Variants in NRXN3 observed in about 807,000 individuals in gnomAD.
NRXN3 encodes neurexin III.
A neutral mutation model predicts 137.6 loss-of-function variants in NRXN3; 32 were observed. The observed-to-expected ratio is 0.23, with a 90% CI of 0.18 to 0.31. NRXN3 has a LOEUF of 0.31. NRXN3 is among the 10% of genes least tolerant of loss of function. NRXN3 has a pLI of 1.00. For missense variants in NRXN3, 1,574 were observed against 2,062.5 expected (o/e 0.76, Z 4.59); for synonymous variants, 798 against 784.5 (o/e 1.02, Z -0.29).
rs138531611 is a variant in NRXN3, at chr14:78,645,797, G to A, written c.1059+376G>A. 3.3e-3 allele frequency among the ~76,000 whole-genome samples: 508 copies of A among 152,058 alleles called. 4 individuals are homozygous for A. Among genetic ancestry groups the A allele is most frequent in the Non-Finnish European group, 5.5e-3 (376 of 67,976 alleles). The stretch of plus-strand genomic sequence containing the variant: ...GACTGCATTTTGTTTCTGCAGCTTC[G>A]TAGATTTTCCTCATTCTTTGAATAT... On this transcript the variant is annotated intron_variant, in intron 5 of 20. Transcript: ENST00000335750.
intron 4 of NRXN3, among the ~76,000 whole-genome samples, chr14:78,541,448 A>C (rs981322696): frequency 4.6e-5 from 7 of 152,226 alleles, no homozygotes; most frequent in African/African-American, 1.4e-4. Flanking sequence ...TTCTCGTGCC[A>C]TGATTTTCAG....
At chr14:79,270,718 T>C (rs2079173655) in intron 15 of NRXN3, among the ~76,000 whole-genome samples, 1 of 152,198 alleles carries the variant, frequency 6.6e-6, no homozygotes, top group Non-Finnish European at 1.5e-5. Context: ...CCTGTCCAGA[T>C]TGGAAATAGT....
chr14:79,034,349 TACACAC>T (rs56226324), intron 15 of NRXN3, among the ~76,000 whole-genome samples: 121 of 144,522 alleles, frequency 8.4e-4, no homozygotes, highest in Non-Finnish European at 7.8e-4. Flanking sequence ...TCTTATTTCT[TACACAC>T]ACACACACAC....
At chr14:78,394,154 G>T (rs1447949878) in intron 4 of NRXN3, among the ~76,000 whole-genome samples, 2 of 151,910 alleles carry the variant, frequency 1.3e-5, no homozygotes, top group Non-Finnish European at 2.9e-5. Flanking sequence ...AGTGTGAGCA[G>T]ACATTCTTAC....
At chr14:79,120,143 C>T (rs2055155812) in intron 15 of NRXN3, among the ~76,000 whole-genome samples, 1 of 152,044 alleles carries the variant, frequency 6.6e-6, no homozygotes, top group African/African-American at 2.4e-5. Flanking sequence ...CCAGCGAGAT[C>T]TCTTTTAAAT....
chr14:79,253,731 A>G lies in NRXN3; in HGVS notation c.3263-213490A>G, dbSNP rs138261390. On this transcript the variant is annotated intron_variant, in intron 15 of 20. Coordinates refer to ENST00000335750, the MANE Select transcript of NRXN3 (RefSeq NM_001330195.2). ...GGAGCTGCCAAACACTTTTAAAGCC[A>G]TCAGCTCTTGTGATGAACTCACTCA... Among the ~76,000 whole-genome samples the G allele has an allele frequency of 7.7e-4, 117 of 152,326 alleles. No homozygotes were observed. The South Asian group carries it at 0.013, about 17-fold the overall frequency.
chr14:78,530,504 T>C (rs771058332), intron 4 of NRXN3, among the ~76,000 whole-genome samples: 1 of 152,194 alleles, frequency 6.6e-6, no homozygotes, highest in Non-Finnish European at 1.5e-5. Context: ...GCCCTGGAAA[T>C]TGATATCTTC....
At chr14:79,169,953 A>C (rs1457876834) in intron 15 of NRXN3, among the ~76,000 whole-genome samples, 1 of 152,132 alleles carries the variant, frequency 6.6e-6, no homozygotes, top group Non-Finnish European at 1.5e-5. Context: ...GAATTGGCTT[A>C]ACAACAAGTC....
chr14:79,414,836 G>A (rs1316288039), intron 15 of NRXN3, among the ~76,000 whole-genome samples: 1 of 151,936 alleles, frequency 6.6e-6, no homozygotes, highest in South Asian at 2.1e-4. Flanking sequence ...ACCTAAGTTT[G>A]TACTATTTGA....
At chr14:78,801,435 G>A (rs1273257631) in intron 8 of NRXN3, among the ~76,000 whole-genome samples, 4 of 152,196 alleles carry the variant, frequency 2.6e-5, no homozygotes, top group Non-Finnish European at 5.9e-5. Context: ...TGATGGAAAG[G>A]GAAGCTGGCA....
At chr14:79,249,230 T>C (rs375674463) in intron 15 of NRXN3, among the ~76,000 whole-genome samples, 2 of 151,984 alleles carry the variant, frequency 1.3e-5, no homozygotes, top group Non-Finnish European at 2.9e-5. Context: ...AGAGAAAAAA[T>C]ACATTATCTC....
At chr14:79,659,643 A>T (rs575117391) in intron 16 of NRXN3, among the ~76,000 whole-genome samples, 1 of 152,264 alleles carries the variant, frequency 6.6e-6, no homozygotes, top group South Asian at 2.1e-4. Flanking sequence ...AATTATCCAC[A>T]GTGAATGCCA....
At chr14:79,117,236 C>T (rs1342464281) in intron 15 of NRXN3, among the ~76,000 whole-genome samples, 1 of 152,154 alleles carries the variant, frequency 6.6e-6, no homozygotes, top group African/African-American at 2.4e-5. Flanking sequence ...TCTTCTTCCA[C>T]TATTTCACAC....
At chr14:78,654,197 TCAGTAAA>T (rs1431476050) in intron 6 of NRXN3, among the ~76,000 whole-genome samples, 1 of 152,204 alleles carries the variant, frequency 6.6e-6, no homozygotes, top group South Asian at 2.1e-4. Flanking sequence ...TTTTGATAAA[TCAGTAAA>T]CAGCAAAGGC....
chr14:79,610,235 A>T (rs2153865354), intron 16 of NRXN3, among the ~76,000 whole-genome samples: 1 of 152,290 alleles, frequency 6.6e-6, no homozygotes, highest in Non-Finnish European at 1.5e-5. Flanking sequence ...CAAAGCAGAC[A>T]GTAGCCTTTA....
intron 1 of NRXN3, among the ~76,000 whole-genome samples, chr14:78,171,219 C>CTTTT (rs144839930): frequency 8.2e-6 from 1 of 121,420 alleles, no homozygotes; most frequent in African/African-American, 3.2e-5. Flanking sequence ...TGTGTGTGTG[C>CTTTT]TTTTTTTTTT....
At chr14:79,425,451 A>G (rs545254150) in intron 15 of NRXN3, among the ~76,000 whole-genome samples, 1 of 152,302 alleles carries the variant, frequency 6.6e-6, no homozygotes, top group East Asian at 1.9e-4. Context: ...TACTTGGGAT[A>G]TGTTTATGTT....
intron 15 of NRXN3, among the ~76,000 whole-genome samples, chr14:78,989,147 T>C (rs1452661749): frequency 6.6e-6 from 1 of 152,192 alleles, no homozygotes; most frequent in East Asian, 1.9e-4. Flanking sequence ...AATGCAGCCT[T>C]TGTTTTATAA....
At chr14:78,194,512 T>A (rs2061045554) in intron 1 of NRXN3, among the ~76,000 whole-genome samples, 1 of 152,028 alleles carries the variant, frequency 6.6e-6, no homozygotes, top group Non-Finnish European at 1.5e-5. Flanking sequence ...CTAGGTGAGG[T>A]CATTGCCACC....
Sources: allele counts gnomAD v4.1 joint callset (sites outside exome capture counted in the v4.1 genomes callset), GRCh38; gene constraint gnomAD v4.1.1; transcripts MANE v1.5; gene names NCBI Gene and HGNC (gene_info 2026-07-23, HGNC 2026-07-21).